The following LINGO2 variants were observed in gnomAD, a reference collection of about 807,000 sequenced individuals.
LINGO2 encodes leucine rich repeat and Ig domain containing 2, also known as leucine-rich repeat and immunoglobulin-like domain-containing nogo receptor-interacting protein 2.
Under a neutral mutation model 30.6 loss-of-function variants are expected in LINGO2, and 14 were observed. That is an observed-to-expected ratio of 0.46 (90% CI 0.30 to 0.72). The LOEUF (loss-of-function observed/expected upper bound fraction) is 0.72. Among genes scored for constraint, LINGO2 ranks in the 30% least tolerant of loss-of-function variants. The pLI, the probability that LINGO2 is intolerant of heterozygous loss-of-function variation, is 0.07. For synonymous variants in LINGO2, 317 were observed against 288.5 expected (o/e 1.10, Z -1.00); for missense variants, 729 against 751.7 (o/e 0.97, Z 0.35).
intron 2 of LINGO2, among the ~76,000 whole-genome samples, chr9:28,439,551 T>C (rs1444471454): frequency 6.6e-6 from 1 of 152,092 alleles, no homozygotes; most frequent in Non-Finnish European, 1.5e-5. Flanking sequence ...CTCCTTGCTG[T>C]TCTTGTGGTA....
chr9:28,211,256 T>G (rs369571262), intron 4 of LINGO2, among the ~76,000 whole-genome samples: 2 of 151,424 alleles, frequency 1.3e-5, no homozygotes, highest in South Asian at 2.1e-4. Context: ...TGATTTAGAT[T>G]AGTTGGATTT....
At chr9:28,047,818 C>T (rs1370755769) in intron 4 of LINGO2, among the ~76,000 whole-genome samples, 2 of 150,514 alleles carry the variant, frequency 1.3e-5, no homozygotes, top group African/African-American at 2.5e-5. Context: ...TTTACAGAAA[C>T]CTATAAATCT....
chr9:29,121,323 G>T, the LINGO2 span, among the ~76,000 whole-genome samples: 1 of 152,022 alleles, frequency 6.6e-6, no homozygotes, highest in Non-Finnish European at 1.5e-5. Flanking sequence ...AAAATTCCCA[G>T]AAGAAATATA....
rs995490060 is a variant in LINGO2, at chr9:28,394,677, G to T, written c.-278-21809C>A. ...TGTATGGGGGTAGGTAGAGGTAACA[G>T]GTAAGAAATAAATTATTAGTACTGA... On this transcript the variant is annotated intron_variant, in intron 2 of 5. Coordinates refer to ENST00000379992, the Ensembl canonical transcript of LINGO2. Among the ~76,000 whole-genome samples the T allele has an allele frequency of 2.0e-5, 3 of 152,098 alleles. No homozygotes were observed. In the South Asian group the frequency reaches 6.2e-4, roughly 31 times the overall value.
At position 28,329,734 on chromosome 9, in the gene LINGO2, C is replaced by T. The variant is rs1262201819; in HGVS notation, c.-245-34368G>A. ...ATCTGGCTAATTTTAACTTGCCCTT[C>T]AAGACTTCAAACAGGCATGACCTTT... On this transcript the variant is annotated intron_variant, in intron 3 of 5. Coordinates refer to ENST00000379992, the Ensembl canonical transcript of LINGO2. This position sits in a 1 kb window ranked among gnomAD's most constrained non-coding sequence, Gnocchi z 4.5. Among the ~76,000 whole-genome samples, 2 of 152,050 alleles carry T rather than the reference C, an allele frequency of 1.3e-5. No individual in the cohort carries two copies. The highest frequency in any genetic ancestry group is 4.8e-5 in the African/African-American group (2 of 41,406).
At chr9:28,847,917 ATG>A in the LINGO2 span, among the ~76,000 whole-genome samples, 4 of 120,556 alleles carry the variant, frequency 3.3e-5, 1 homozygote, top group South Asian at 7.7e-4. Flanking sequence ...ATACACACAT[ATG>A]TGTGTATATA....
the LINGO2 span, among the ~76,000 whole-genome samples, chr9:29,047,495 T>C: frequency 1.3e-5 from 2 of 152,104 alleles, no homozygotes; most frequent in African/African-American, 2.4e-5. Flanking sequence ...AAAAGCCATA[T>C]AGGAAGACCC....
rs767686918 is a variant in LINGO2 at position 27,949,876 on chromosome 9, A to C, written c.796T>G (p.Phe266Val). 1.9e-6 allele frequency: 3 copies of C among 1,614,058 alleles called. 1 individual carries two copies. In the South Asian group the frequency reaches 3.3e-5, roughly 18 times the overall value. Residue 266 changes from phenylalanine (F) to valine (V), a missense_variant, in exon 6 of 6, where the codon TTC (phenylalanine) becomes GTC (valine). By Grantham distance (50) the Phe-to-Val change is conservative. Transcript: ENST00000379992. ...TATACCAGGTGTTTAAAGGCAAGGAAGGGTACAGTAGACAGATTGGTGTTG... is the reference window on the plus strand; with the variant it reads ...TATACCAGGTGTTTAAAGGCAAGGACGGGTACAGTAGACAGATTGGTGTTG...
intron 4 of LINGO2, among the ~76,000 whole-genome samples, chr9:28,120,730 G>A (rs910599029): frequency 3.3e-5 from 5 of 152,036 alleles, no homozygotes; most frequent in African/African-American, 9.7e-5. Flanking sequence ...GTTAAATTCC[G>A]GTTGAAGCAA....
the LINGO2 span, among the ~76,000 whole-genome samples, chr9:28,755,898 T>C: frequency 6.6e-6 from 1 of 152,102 alleles, no homozygotes; most frequent in Admixed American, 6.5e-5. Flanking sequence ...AATCATCTTC[T>C]AAGTCAGTTA....
At chr9:29,087,876 T>C in the LINGO2 span, among the ~76,000 whole-genome samples, 1 of 152,164 alleles carries the variant, frequency 6.6e-6, no homozygotes, top group African/African-American at 2.4e-5. Flanking sequence ...TCTATAAATA[T>C]ATGTCCTCAC....
chr9:28,637,597 T>C (rs10968696), intron 1 of LINGO2, among the ~76,000 whole-genome samples: 37,762 of 152,026 alleles, frequency 0.25, 5,119 homozygotes, highest in African/African-American at 0.35. Context: ...TGAATGGGAG[T>C]TCACTCATGA....
chr9:28,337,389 T>C (rs572577476), intron 3 of LINGO2, among the ~76,000 whole-genome samples: 1 of 152,284 alleles, frequency 6.6e-6, no homozygotes, highest in African/African-American at 2.4e-5. Flanking sequence ...CATGAAAGTT[T>C]GGAAAATCTG....
chr9:28,672,335 T>C (rs1829052410), upstream of LINGO2, among the ~76,000 whole-genome samples: 1 of 152,194 alleles, frequency 6.6e-6, no homozygotes, highest in Non-Finnish European at 1.5e-5. Context: ...GTTTTCTAAA[T>C]CTGTATAGTA....
chr9:28,261,619 T>C (rs1034855790), intron 4 of LINGO2, among the ~76,000 whole-genome samples: 2 of 151,914 alleles, frequency 1.3e-5, no homozygotes, highest in Admixed American at 1.3e-4. Flanking sequence ...TTTTATTCCT[T>C]GCTAAGTGAC....
At chr9:28,784,424 G>T in the LINGO2 span, among the ~76,000 whole-genome samples, 1 of 152,180 alleles carries the variant, frequency 6.6e-6, no homozygotes, top group Non-Finnish European at 1.5e-5. Flanking sequence ...CTGCTTACTA[G>T]CTGTGTGACC....
At chr9:28,409,143 C>G (rs896796159) in intron 2 of LINGO2, among the ~76,000 whole-genome samples, 4 of 151,992 alleles carry the variant, frequency 2.6e-5, no homozygotes, top group African/African-American at 9.7e-5. Flanking sequence ...ACACATGGCT[C>G]ATGTGTTTAA....
chr9:28,280,736 T>C lies in LINGO2; in HGVS notation c.-87+14472A>G, dbSNP rs1649690102. On this transcript the variant is annotated intron_variant, in intron 4 of 5. Coordinates refer to ENST00000379992, the Ensembl canonical transcript of LINGO2. ...CTCATGGTACTGTTACCCATTTCAG[T>C]GATAGTGCCATAGACTGAATAAGGA... Among the ~76,000 whole-genome samples the C allele has an allele frequency of 2.6e-5, 4 of 152,216 alleles. No individual in the cohort carries two copies. In the South Asian group the frequency reaches 8.3e-4, roughly 32 times the overall value.
At chr9:28,533,067 G>A (rs923542108) in intron 1 of LINGO2, among the ~76,000 whole-genome samples, 1 of 151,926 alleles carries the variant, frequency 6.6e-6, no homozygotes, top group Admixed American at 6.6e-5. Flanking sequence ...TGCCAAAGGT[G>A]GACTGGGAGA....
Sources: gnomAD v4.1 joint callset for allele counts (sites outside exome capture counted in the v4.1 genomes callset) on GRCh38, gnomAD v4.1.1 for gene constraint, Gnocchi (gnomAD v3.1) non-coding constraint, MANE v1.5 for transcripts, NCBI Gene and HGNC (gene_info 2026-07-23, HGNC 2026-07-21) for gene names.